FRAS1: variants seen among roughly 807,000 people sequenced by gnomAD.
The protein encoded by FRAS1 is Fraser extracellular matrix complex subunit 1.
In FRAS1, 290 loss-of-function variants were observed where a neutral mutation model predicts 435.2. The ratio of observed to expected loss-of-function variants is 0.67; its 90% CI spans 0.61 to 0.73. FRAS1 has a LOEUF of 0.73. Among genes scored for constraint, FRAS1 ranks in the 30% least tolerant of loss-of-function variants. The probability of loss-of-function intolerance (pLI) is 0.00; values close to 1 mark genes in which losing one functional copy is unlikely to be tolerated. For missense variants in FRAS1, 4,860 were observed against 5,001.5 expected, an observed-to-expected ratio of 0.97 and a Z score of 0.85; for synonymous variants, 1,800 against 1,851.0, an observed-to-expected ratio of 0.97 and a Z score of 0.71.
chr4:78,429,293 A>G, intron 36 of FRAS1, 67 bp downstream of exon 36: 1 of 1,512,926 alleles, frequency 6.6e-7, no homozygotes, highest in Non-Finnish European at 8.9e-7. Context: ...CCCTCTTCAA[A>G]CCTCTTGATG....
At chr4:78,328,216 A>G (rs931262781) in intron 18 of FRAS1, among the ~76,000 whole-genome samples, 7 of 152,232 alleles carry the variant, frequency 4.6e-5, no homozygotes, top group African/African-American at 1.7e-4. Context: ...AGGCTATTAC[A>G]TTCGTTTTGT....
At chr4:78,210,353 T>C (rs981655865) in intron 2 of FRAS1, among the ~76,000 whole-genome samples, 1 of 152,220 alleles carries the variant, frequency 6.6e-6, no homozygotes, top group African/African-American at 2.4e-5. Context: ...GCATGTAAAT[T>C]AGCCACTGTG....
chr4:78,357,731 T>C (rs1730914169), intron 20 of FRAS1, among the ~76,000 whole-genome samples: 1 of 152,066 alleles, frequency 6.6e-6, no homozygotes, highest in Non-Finnish European at 1.5e-5. Flanking sequence ...GTGAGACTCC[T>C]GTCTGTATGA....
intron 2 of FRAS1, among the ~76,000 whole-genome samples, chr4:78,125,913 A>C (rs1719321555): frequency 1.3e-5 from 2 of 152,126 alleles, no homozygotes; most frequent in Non-Finnish European, 2.9e-5. Context: ...CCGTCTTCAG[A>C]GCTGTCAGGC....
At chr4:78,474,663 C>T (rs1361277523) in intron 53 of FRAS1, among the ~76,000 whole-genome samples, 5 of 152,194 alleles carry the variant, frequency 3.3e-5, no homozygotes, top group Admixed American at 1.3e-4. Flanking sequence ...GGTCCCAAAG[C>T]TGGCAATGAG....
At chr4:78,200,099 A>G (rs1028509505) in intron 2 of FRAS1, among the ~76,000 whole-genome samples, 2 of 152,196 alleles carry the variant, frequency 1.3e-5, no homozygotes, top group African/African-American at 2.4e-5. Context: ...TGCTCATTCA[A>G]TGTGAAGCAG....
intron 14 of FRAS1, among the ~76,000 whole-genome samples, chr4:78,293,274 C>T (rs78809680): frequency 0.018 from 2,811 of 152,184 alleles, 92 homozygotes; most frequent in African/African-American, 0.065. Context: ...AGGGACATGC[C>T]GTATACTTCT....
intron 3 of FRAS1, among the ~76,000 whole-genome samples, chr4:78,239,221 C>T (rs1724896269): frequency 6.6e-6 from 1 of 152,130 alleles, no homozygotes; most frequent in Non-Finnish European, 1.5e-5. Context: ...TTTTTCTCAT[C>T]TTGGTAAATG....
intron 2 of FRAS1, among the ~76,000 whole-genome samples, chr4:78,146,338 T>A (rs973824983): frequency 6.6e-6 from 1 of 152,196 alleles, no homozygotes; most frequent in Non-Finnish European, 1.5e-5. Context: ...TATTTCTTGA[T>A]CTTTTTAGTT....
chr4:78,313,348 C>T (rs1218651326), intron 15 of FRAS1, among the ~76,000 whole-genome samples: 3 of 152,146 alleles, frequency 2.0e-5, no homozygotes, highest in South Asian at 2.1e-4. Context: ...CTCCAGGATG[C>T]GAGATGGGAC....
At chr4:78,122,723 AC>A (rs1315719797) in intron 2 of FRAS1, among the ~76,000 whole-genome samples, 2 of 152,142 alleles carry the variant, frequency 1.3e-5, no homozygotes, top group Admixed American at 6.5e-5. Flanking sequence ...TTTTCTAATG[AC>A]CAGTGATGAT....
intron 2 of FRAS1, among the ~76,000 whole-genome samples, chr4:78,073,015 G>A (rs1442743193): frequency 1.3e-5 from 2 of 152,020 alleles, no homozygotes; most frequent in South Asian, 4.1e-4. Flanking sequence ...CTTACAGAAG[G>A]TGAAAAAAAT....
Position 78,540,545 on chromosome 4 carries a change from C to G in FRAS1, c.11460C>G (p.His3820Gln). ...VDALYKVEAGHQWYLQVIYII... is the reference protein window; with the variant it reads ...VDALYKVEAGQQWYLQVIYII... ...TCCCCCTGCAGGTGGAAGCAGGACA[C>G]CAGTGGTATCTCCAGGTCATCTACA... The change falls in exon 74 of 74, where the codon CAC becomes CAG. Residue 3820 changes from histidine (H) to glutamine (Q), a missense_variant. His to Gln is a conservative substitution (Grantham distance 24, BLOSUM62 0). Transcript: ENST00000512123. 1 of 1,498,846 alleles carries G rather than the reference C, an allele frequency of 6.7e-7. No homozygotes were observed. The highest frequency in any genetic ancestry group is 8.9e-7 in the Non-Finnish European group (1 of 1,123,652). The allele number at this position is 1,498,846 out of a possible 1,614,324, so 92.8% of individuals were successfully genotyped here. A position where few individuals can be genotyped will look rare whatever the true frequency, so the allele number is the denominator to read the frequency against.
intron 2 of FRAS1, among the ~76,000 whole-genome samples, chr4:78,205,917 A>G (rs768520991): frequency 3.9e-5 from 6 of 152,026 alleles, no homozygotes; most frequent in Non-Finnish European, 7.4e-5. Flanking sequence ...GGAAGAGGAA[A>G]AGGGTCTGTT....
intron 45 of FRAS1, among the ~76,000 whole-genome samples, chr4:78,450,696 G>A (rs1474144198): frequency 6.6e-6 from 1 of 152,072 alleles, no homozygotes; most frequent in Non-Finnish European, 1.5e-5. Context: ...CCTTCCTTAG[G>A]TGAGCAATTT....
At chr4:78,077,381 C>T (rs1560509598) in intron 2 of FRAS1, among the ~76,000 whole-genome samples, 1 of 152,208 alleles carries the variant, frequency 6.6e-6, no homozygotes, top group East Asian at 1.9e-4. Context: ...AAAAACAAAA[C>T]TAAAACCAAA....
At chr4:78,283,280 C>T (rs1727420632) in intron 12 of FRAS1, among the ~76,000 whole-genome samples, 2 of 152,132 alleles carry the variant, frequency 1.3e-5, no homozygotes, top group South Asian at 4.1e-4. Flanking sequence ...TGTTTGAAGA[C>T]TTGTAAAGGT....
chr4:78,117,595 T>C lies in FRAS1; in HGVS notation c.108+51579T>C, dbSNP rs545602074. On this transcript the variant is annotated intron_variant, in intron 2 of 73. Coordinates refer to ENST00000512123, the MANE Select transcript of FRAS1 (RefSeq NM_025074.7). Reference sequence around the variant, plus strand: ...TTTCATTCATTTGCTCTTCCGTCACTGATACCCTTTCTTCTAGTTGATCGA... The same window carrying C: ...TTTCATTCATTTGCTCTTCCGTCACCGATACCCTTTCTTCTAGTTGATCGA... 1.3e-3 allele frequency among the ~76,000 whole-genome samples: 204 copies of C among 152,374 alleles called. 2 individuals carry two copies. The highest frequency in any genetic ancestry group is 4.7e-3 in the African/African-American group (196 of 41,596).
chr4:78,475,504 A>G lies in FRAS1; in HGVS notation c.7749A>G (p.Gln2583=). The G allele has an allele frequency of 2.5e-6, 4 of 1,613,930 alleles. No homozygotes were observed. Among genetic ancestry groups the G allele is most frequent in the Non-Finnish European group, 2.5e-6 (3 of 1,179,836 alleles). Residue 2583 remains glutamine, a synonymous_variant, in exon 54 of 74, where the codon CAA becomes CAG. Coordinates refer to ENST00000512123, the MANE Select transcript of FRAS1 (RefSeq NM_025074.7). ...TGCAGAGGACTGGGAACCTGAACCA[A>G]TATGCCATCGTCCTGTGTCGCACCG... ...VTVQRTGNLN[Q]YAIVLCRTEQ...
Sources: allele counts gnomAD v4.1 joint callset (sites outside exome capture counted in the v4.1 genomes callset), GRCh38; gene constraint gnomAD v4.1.1; transcripts MANE v1.5; gene names NCBI Gene and HGNC (gene_info 2026-07-23, HGNC 2026-07-21).